Variants in KIF6 observed in about 807,000 individuals in gnomAD.
KIF6 encodes the protein kinesin-like protein KIF6.
Under a neutral mutation model 112.7 loss-of-function variants are expected in KIF6, and 106 were observed. That is an observed-to-expected ratio of 0.94 (90% CI 0.80 to 1.11). The LOEUF (loss-of-function observed/expected upper bound fraction) is 1.11, where lower values mean the gene tolerates loss of function less well. Among genes scored for constraint, KIF6 ranks in the 50% least tolerant of loss-of-function variants. The pLI, the probability that KIF6 is intolerant of heterozygous loss-of-function variation, is 0.00. For missense variants in KIF6, 929 were observed against 964.0 expected (o/e 0.96, Z 0.48); for synonymous variants, 339 against 339.9 (o/e 1.00, Z 0.03).
At chr6:39,650,518 A>G (rs9471140) in intron 3 of KIF6, among the ~76,000 whole-genome samples, 9,658 of 151,542 alleles carry the variant, frequency 0.064, 1,028 homozygotes, top group African/African-American at 0.22. Flanking sequence ...ATTATACATT[A>G]TTTTATCTTA....
intron 3 of KIF6, among the ~76,000 whole-genome samples, chr6:39,677,684 C>G (rs922609601): frequency 2.8e-5 from 3 of 106,328 alleles, no homozygotes; most frequent in African/African-American, 1.1e-4. Flanking sequence ...CCTCCCCCCT[C>G]CCCCGACCCC....
intron 18 of KIF6, among the ~76,000 whole-genome samples, chr6:39,358,561 T>C (rs1409884945): frequency 6.6e-6 from 1 of 152,200 alleles, no homozygotes; most frequent in Non-Finnish European, 1.5e-5. Context: ...ACTTCCTGAG[T>C]TTCGCTGGTA....
chr6:39,450,839 A>G (rs1772653636), intron 13 of KIF6, among the ~76,000 whole-genome samples: 1 of 152,106 alleles, frequency 6.6e-6, no homozygotes, highest in Admixed American at 6.5e-5. Context: ...AAGAAAAATC[A>G]CTCACAATCT....
chr6:39,612,858 T>C (rs1407680745), intron 6 of KIF6, among the ~76,000 whole-genome samples: 3 of 152,198 alleles, frequency 2.0e-5, no homozygotes, highest in African/African-American at 2.4e-5. Flanking sequence ...ATGTAATACA[T>C]TGTCATTAAT....
At chr6:39,545,795 C>A (rs942328783) in intron 10 of KIF6, 107 bp from the exon 11 acceptor site, 2 of 654,988 alleles carry the variant, frequency 3.1e-6, no homozygotes, top group Non-Finnish European at 5.3e-6. Context: ...TTGTTCCCAC[C>A]TCTTTACAGA....
chr6:39,480,965 TGCAAA>T (rs1774758743), intron 13 of KIF6, among the ~76,000 whole-genome samples: 1 of 152,152 alleles, frequency 6.6e-6, no homozygotes, highest in African/African-American at 2.4e-5. Context: ...TGGTTAATCT[TGCAAA>T]TGGACTATCA....
At chr6:39,570,927 T>G (rs1780607974) in intron 10 of KIF6, among the ~76,000 whole-genome samples, 1 of 152,204 alleles carries the variant, frequency 6.6e-6, no homozygotes, top group African/African-American at 2.4e-5. Flanking sequence ...ACTAATACAC[T>G]AATTATTACA....
intron 19 of KIF6, among the ~76,000 whole-genome samples, chr6:39,352,644 C>G (rs2150240946): frequency 6.6e-6 from 1 of 150,430 alleles, no homozygotes; most frequent in Middle Eastern, 3.4e-3. Flanking sequence ...TGCTCTGTCA[C>G]CCAGGCTGGA....
intron 10 of KIF6, among the ~76,000 whole-genome samples, chr6:39,568,643 C>T (rs368867919): frequency 5.3e-5 from 8 of 152,026 alleles, no homozygotes; most frequent in East Asian, 1.9e-4. Flanking sequence ...CTCTGCCTCC[C>T]GGGTTTCAGT....
intron 22 of KIF6, among the ~76,000 whole-genome samples, chr6:39,340,547 C>A (rs1763271603): frequency 6.6e-6 from 1 of 152,330 alleles, no homozygotes; most frequent in Admixed American, 6.5e-5. Flanking sequence ...CCTCAGTTTC[C>A]TTTCCTCACC....
intron 13 of KIF6, among the ~76,000 whole-genome samples, chr6:39,479,734 G>A (rs1249047935): frequency 2.6e-5 from 4 of 152,024 alleles, no homozygotes; most frequent in African/African-American, 9.7e-5. Flanking sequence ...CATGAGCATG[G>A]GATGTGTTTC....
intron 4 of KIF6, among the ~76,000 whole-genome samples, chr6:39,635,402 AATC>A (rs1206551198): frequency 1.3e-5 from 2 of 152,104 alleles, no homozygotes; most frequent in Admixed American, 1.3e-4. Context: ...TTCCATCTTT[AATC>A]ATCATTCTTT....
At chr6:39,537,064 C>T (rs1419434266) in intron 13 of KIF6, among the ~76,000 whole-genome samples, 5 of 151,848 alleles carry the variant, frequency 3.3e-5, no homozygotes, top group Middle Eastern at 6.8e-3. Context: ...TGGGACGTAT[C>T]TCAAAATAAT....
At chr6:39,526,466 TGAG>T (rs755456089) in intron 13 of KIF6, among the ~76,000 whole-genome samples, 9 of 152,294 alleles carry the variant, frequency 5.9e-5, no homozygotes, top group Admixed American at 1.3e-4. Context: ...TAAAAACTCC[TGAG>T]GTGCTCATAA....
intron 13 of KIF6, among the ~76,000 whole-genome samples, chr6:39,463,667 C>T (rs1773617046): frequency 6.6e-6 from 1 of 152,164 alleles, no homozygotes; most frequent in African/African-American, 2.4e-5. Flanking sequence ...TATGATGTCC[C>T]ATCAGATGGC....
At chr6:39,499,875 T>C (rs1776021190) in intron 13 of KIF6, among the ~76,000 whole-genome samples, 1 of 152,198 alleles carries the variant, frequency 6.6e-6, no homozygotes, top group Non-Finnish European at 1.5e-5. Context: ...GAGCTAGATA[T>C]ATAAGCTCCC....
At chr6:39,713,488 G>C (rs1336299278) in intron 3 of KIF6, among the ~76,000 whole-genome samples, 1 of 152,164 alleles carries the variant, frequency 6.6e-6, no homozygotes, top group Non-Finnish European at 1.5e-5. Context: ...GTGGCTGGAG[G>C]AGAAAGTGGG....
intron 3 of KIF6, among the ~76,000 whole-genome samples, chr6:39,652,347 G>T (rs35744163): frequency 1.3e-5 from 2 of 152,038 alleles, no homozygotes; most frequent in Non-Finnish European, 2.9e-5. Flanking sequence ...TGACCAACAC[G>T]GTGAAACCCC....
chr6:39,509,008 T>A (rs147894629), intron 13 of KIF6, among the ~76,000 whole-genome samples: 6,504 of 152,208 alleles, frequency 0.043, 172 homozygotes, highest in South Asian at 0.079. Context: ...TGGGTGCTCC[T>A]CTGGGATGAA....
Sources: allele counts gnomAD v4.1 joint callset (sites outside exome capture counted in the v4.1 genomes callset), GRCh38; gene constraint gnomAD v4.1.1; transcripts MANE v1.5; gene names NCBI Gene and HGNC (gene_info 2026-07-23, HGNC 2026-07-21).